The following CYP27C1 variants were observed in gnomAD, a reference collection of about 807,000 sequenced individuals.
CYP27C1 encodes cytochrome P450 27C1.
A neutral mutation model predicts 40.6 loss-of-function variants in CYP27C1; 29 were observed. The ratio of observed to expected loss-of-function variants is 0.71; its 90% CI spans 0.53 to 0.97. The LOEUF is 0.97. Among genes scored for constraint, CYP27C1 ranks in the 50% least tolerant of loss-of-function variants. CYP27C1 has a pLI of 0.00. For synonymous variants in CYP27C1, 198 were observed against 186.8 expected, an observed-to-expected ratio of 1.06 and a Z score of -0.49; for missense variants, 390 against 485.8, an observed-to-expected ratio of 0.80 and a Z score of 1.85.
chr2:127,188,196 G>A (rs1320061274), intron 8 of CYP27C1, among the ~76,000 whole-genome samples: 1 of 152,114 alleles, frequency 6.6e-6, no homozygotes, highest in Non-Finnish European at 1.5e-5. Flanking sequence ...CCTACTTAGC[G>A]CCCAGGCTGT....
At chr2:127,206,798 C>T (rs1573903915) in intron 1 of CYP27C1, among the ~76,000 whole-genome samples, 1 of 152,016 alleles carries the variant, frequency 6.6e-6, no homozygotes, top group Non-Finnish European at 1.5e-5. Flanking sequence ...CAGTCTGTAA[C>T]GAGCCTCTAA....
At chr2:127,199,303 A>G in intron 5 of CYP27C1, 73 bp downstream of exon 5, 1 of 1,553,206 alleles carries the variant, frequency 6.4e-7, no homozygotes, top group Non-Finnish European at 8.7e-7. Flanking sequence ...CCAAAAAAGT[A>G]GACAACGTCC....
intron 1 of CYP27C1, among the ~76,000 whole-genome samples, chr2:127,210,341 T>C (rs1488536898): frequency 6.6e-6 from 1 of 152,148 alleles, no homozygotes; most frequent in Non-Finnish European, 1.5e-5. Context: ...GGGTCTGCCA[T>C]GCAAGAGCTC....
At chr2:127,217,822 T>C (rs1373499355) in intron 1 of CYP27C1, among the ~76,000 whole-genome samples, 1 of 152,160 alleles carries the variant, frequency 6.6e-6, no homozygotes, top group African/African-American at 2.4e-5. Flanking sequence ...CTGGATGTGA[T>C]GGGCCACAGA....
intron 3 of CYP27C1, among the ~76,000 whole-genome samples, chr2:127,202,973 C>G (rs891487770): frequency 6.6e-6 from 1 of 151,964 alleles, no homozygotes; most frequent in African/African-American, 2.4e-5. Context: ...TCGAGACCAG[C>G]CTTGCCAACA....
rs1161267965 is a variant in CYP27C1, at chr2:127,204,553, GAGAGAAAGAA to G, written c.474-992_474-983del. On this transcript the variant is annotated intron_variant, in intron 2 of 8. Coordinates refer to ENST00000664447, the MANE Select transcript of CYP27C1 (RefSeq NM_001367502.1). ...AGAAAGAAAGAGAGAGAGAGAGAGAGAGAGAAAGAAAGAAAGAAAGAAAGAAAGAAAGAAA... is the reference window on the plus strand; with the variant it reads ...AGAAAGAAAGAGAGAGAGAGAGAGAGAGAAAGAAAGAAAGAAAGAAAGAAA... 2.1e-3 allele frequency among the ~76,000 whole-genome samples: 149 copies of G among 70,550 alleles called. 1 individual carries two copies. Among genetic ancestry groups the G allele is most frequent in the African/African-American group, 5.0e-3 (86 of 17,356 alleles). The allele number at this position is 70,550 out of a possible 152,430, so 46.3% of individuals were successfully genotyped here.
chr2:127,198,896 T>C (rs1682966717), intron 5 of CYP27C1, among the ~76,000 whole-genome samples: 1 of 152,228 alleles, frequency 6.6e-6, no homozygotes, highest in African/African-American at 2.4e-5. Flanking sequence ...AAGTGAGGCG[T>C]GACTGCATAC....
In CYP27C1 at chr2:127,193,845, T is replaced by C. The variant is rs1682841062; in HGVS notation, c.1237A>G (p.Asn413Asp). ...AGGTCTTCCTGGGTGACCCGGCCGT[T>C]CCCTGGCAGCACTGGAAACAGCCTG... ...TLRLFPVLPG[N>D]GRVTQEDLVI... Residue 413 changes from asparagine to aspartate, a missense_variant, in exon 7 of 9, where the codon AAC (asparagine) becomes GAC (aspartate). Asn to Asp is a conservative substitution (Grantham distance 23). Transcript: ENST00000664447. 21 of 1,614,018 alleles carry C rather than the reference T, an allele frequency of 1.3e-5. No individual in the cohort carries two copies. Among genetic ancestry groups the C allele is most frequent in the Non-Finnish European group, 1.8e-5 (21 of 1,180,030 alleles).
Position 127,205,738 on chromosome 2 carries a change from C to T in CYP27C1, c.473+162G>A. On this transcript the variant is annotated intron_variant, in intron 2 of 8. Transcript: ENST00000664447. ...AGGAGCCAGAAAGCCCAGCAGGGCT[C>T]TCATGTCTGGGAGATCGCACAAGGA... 3 of 985,524 alleles carry T rather than the reference C, an allele frequency of 3.0e-6. No individual in the cohort carries two copies. In the South Asian group the frequency reaches 1.4e-4, roughly 46 times the overall value. 61.0% of individuals were successfully genotyped at this position (985,524 alleles called of 1,614,324 possible). A position where few individuals can be genotyped will look rare whatever the true frequency, so the allele number is the denominator to read the frequency against.
In CYP27C1 at chr2:127,208,699, G is replaced by A. The variant is rs1683280938; in HGVS notation, c.283-2609C>T. Among the ~76,000 whole-genome samples, 1 of 152,224 alleles carries A rather than the reference G, an allele frequency of 6.6e-6. No homozygotes were observed. Among genetic ancestry groups the A allele is most frequent in the African/African-American group, 2.4e-5 (1 of 41,462 alleles). ...GGGAGGCTGGATGGCTTGGTCCCAAGAGTTATCCCCACAGCTCAACACACC... is the reference window on the plus strand; with the variant it reads ...GGGAGGCTGGATGGCTTGGTCCCAAAAGTTATCCCCACAGCTCAACACACC... On this transcript the variant is annotated intron_variant, in intron 1 of 8. Transcript: ENST00000664447. The surrounding 1 kb of genome is among the most constrained non-coding windows in gnomAD (Gnocchi z 5.2).
In CYP27C1 at chr2:127,219,735, C is replaced by G. The variant is rs1683511356; in HGVS notation, c.282+254G>C. Among the ~76,000 whole-genome samples the G allele has an allele frequency of 1.3e-5, 2 of 151,952 alleles. No individual in the cohort carries two copies. Among genetic ancestry groups the G allele is most frequent in the African/African-American group, 4.8e-5 (2 of 41,468 alleles). Reference sequence around the variant, plus strand: ...CTCCCCAACGCCCCCGCCCCGCTCCCGGTTCCTGCCTCCTCCACCCCGGAT... The same window carrying G: ...CTCCCCAACGCCCCCGCCCCGCTCCGGGTTCCTGCCTCCTCCACCCCGGAT... On this transcript the variant is annotated intron_variant, in intron 1 of 8. Transcript: ENST00000664447. The surrounding 1 kb of genome is among the most constrained non-coding windows in gnomAD (Gnocchi z 8.7).
In CYP27C1 at chr2:127,208,184, C is replaced by A. The variant is rs115446394; in HGVS notation, c.283-2094G>T. 3.2e-3 allele frequency among the ~76,000 whole-genome samples: 493 copies of A among 152,178 alleles called. 3 individuals carry two copies. The highest frequency in any genetic ancestry group is 0.011 in the African/African-American group (476 of 41,516). On this transcript the variant is annotated intron_variant, in intron 1 of 8. Coordinates refer to ENST00000664447, the MANE Select transcript of CYP27C1 (RefSeq NM_001367502.1). This position sits in a 1 kb window ranked among gnomAD's most constrained non-coding sequence, Gnocchi z 5.2. ...AAACCTTCCCTGGCAGCCAGGGTAT[C>A]CAGGTTCTCTCATCAAAATTGACTA... is the stretch of plus-strand genomic sequence containing the variant.
At chr2:127,216,225 C>A (rs757022474) in intron 1 of CYP27C1, among the ~76,000 whole-genome samples, 2 of 152,204 alleles carry the variant, frequency 1.3e-5, no homozygotes, top group Non-Finnish European at 2.9e-5. Flanking sequence ...CATGTCTACA[C>A]AAAACCTTAC....
intron 7 of CYP27C1, 63 bp from the exon 8 acceptor site, chr2:127,193,360 GC>G: frequency 6.3e-7 from 1 of 1,593,288 alleles, no homozygotes; most frequent in Non-Finnish European, 8.6e-7. Context: ...GCAGGGCAGG[GC>G]CCAGAGCCCT....
rs1156982574 is a variant in CYP27C1 at position 127,211,361 on chromosome 2, G to GTTTTTTT, written c.283-5278_283-5272dup. 6.5e-4 allele frequency among the ~76,000 whole-genome samples: 67 copies of GTTTTTTT among 103,628 alleles called. 6 individuals carry two copies. The highest frequency in any genetic ancestry group is 2.1e-3 in the African/African-American group (52 of 25,200). 68.0% of individuals were successfully genotyped at this position (103,628 alleles called of 152,430 possible). A position where few individuals can be genotyped will look rare whatever the true frequency, so the allele number is the denominator to read the frequency against. On this transcript the variant is annotated intron_variant, in intron 1 of 8. Coordinates refer to ENST00000664447, the MANE Select transcript of CYP27C1 (RefSeq NM_001367502.1). The stretch of plus-strand genomic sequence containing the variant: ...ATCTCTGGGATACAGCTAAAGCAGT[G>GTTTTTTT]TTTTTTTGTTTTTTTTTTTTTTTTT...
intron 2 of CYP27C1, among the ~76,000 whole-genome samples, chr2:127,205,093 G>A (rs1386865768): frequency 6.6e-6 from 1 of 152,204 alleles, no homozygotes; most frequent in African/African-American, 2.4e-5. Flanking sequence ...CACCCACACA[G>A]GCTCCTGAGC....
At position 127,218,190 on chromosome 2, in the gene CYP27C1, T is replaced by G. The variant is rs968639082; in HGVS notation, c.282+1799A>C. Among the ~76,000 whole-genome samples the G allele has an allele frequency of 6.6e-6, 1 of 152,004 alleles. No individual in the cohort carries two copies. The highest frequency in any genetic ancestry group is 2.4e-5 in the African/African-American group (1 of 41,350). On this transcript the variant is annotated intron_variant, in intron 1 of 8. Transcript: ENST00000664447. The surrounding 1 kb of genome is among the most constrained non-coding windows in gnomAD (Gnocchi z 6.0). ...GTGAATGGAAAATACCCATCTGAAC[T>G]GCCACACATCCTGACTGGATACAGG...
chr2:127,213,526 T>C (rs375092010), intron 1 of CYP27C1, among the ~76,000 whole-genome samples: 1 of 152,132 alleles, frequency 6.6e-6, no homozygotes, highest in Non-Finnish European at 1.5e-5. Context: ...TCTACAACCA[T>C]CTGCTCTTTG....
chr2:127,200,436 A>G lies in CYP27C1; in HGVS notation c.883+686T>C, dbSNP rs2104685645. On this transcript the variant is annotated intron_variant, in intron 4 of 8. Coordinates refer to ENST00000664447, the MANE Select transcript of CYP27C1 (RefSeq NM_001367502.1). The surrounding 1 kb of genome is among the most constrained non-coding windows in gnomAD (Gnocchi z 4.2). ...ACATAAGAAAACAAATCTCTTTGTAATCTCACCTTGGATTTGAACAAAAAT... is the reference window on the plus strand; with the variant it reads ...ACATAAGAAAACAAATCTCTTTGTAGTCTCACCTTGGATTTGAACAAAAAT... Among the ~76,000 whole-genome samples the G allele has an allele frequency of 6.6e-6, 1 of 152,338 alleles. No homozygotes were observed. Among genetic ancestry groups the G allele is most frequent in the East Asian group, 1.9e-4 (1 of 5,192 alleles).
Sources: allele counts gnomAD v4.1 joint callset (sites outside exome capture counted in the v4.1 genomes callset), GRCh38; gene constraint gnomAD v4.1.1; non-coding constraint Gnocchi (gnomAD v3.1); transcripts MANE v1.5; gene names NCBI Gene and HGNC (gene_info 2026-07-23, HGNC 2026-07-21).